The following SPATA31C1 variants were observed in gnomAD, a reference collection of about 807,000 sequenced individuals.
SPATA31C1 encodes spermatogenesis-associated protein 31C1.
exon 5 of SPATA31C1, chr9:87,921,444 T>C: frequency 6.2e-7 from 1 of 1,611,568 alleles, no homozygotes. Context: ...GACGGTGAAG[T>C]TCCAGCTAGA....
intron 2 of SPATA31C1, 161 bp from the exon 2 acceptor site, chr9:87,919,094 A>C: frequency 1.7e-6 from 2 of 1,180,064 alleles, no homozygotes; most frequent in Non-Finnish European, 2.4e-6. Context: ...TTCTAAGAAA[A>C]GCAGTTTATC....
chr9:87,920,877 C>T lies in SPATA31C1; in HGVS notation n.1267C>T, dbSNP rs373641554. ...CCGCCAAAGGGACACCACAATGTCC[C>T]CACTGCTTTTCCAGGCCCAGCCCCT... On this transcript the variant is annotated non_coding_transcript_exon_variant, in exon 5 of 5. Transcript: ENST00000420021. The T allele has an allele frequency of 7.4e-5, 119 of 1,613,422 alleles. No individual in the cohort carries two copies. The African/African-American group carries it at 1.5e-3, about 20-fold the overall frequency.
exon 5 of SPATA31C1, chr9:87,920,899 C>G: frequency 6.2e-7 from 1 of 1,613,294 alleles, no homozygotes; most frequent in South Asian, 1.1e-5. Context: ...CAGGCCCAGC[C>G]CCTGTCCCAT....
At chr9:87,922,060 T>G (rs1243753956) in exon 5 of SPATA31C1, 2 of 1,613,988 alleles carry the variant, frequency 1.2e-6, no homozygotes, top group Non-Finnish European at 1.7e-6. Context: ...GAGCCACCAA[T>G]GGCAAGTCTG....
intron 1 of SPATA31C1, among the ~76,000 whole-genome samples, chr9:87,917,002 G>GA (rs200289080): frequency 3.1e-5 from 3 of 95,828 alleles, no homozygotes; most frequent in African/African-American, 3.8e-5. Flanking sequence ...ATCTCAAAAA[G>GA]AAAGGAAAAC....
At chr9:87,922,563 C>G (rs374100276) in exon 5 of SPATA31C1, 1 of 1,610,140 alleles carries the variant, frequency 6.2e-7, no homozygotes, top group Non-Finnish European at 8.5e-7. Flanking sequence ...TGTTGTGCTC[C>G]TTCCAGATGG....
chr9:87,920,750 C>T, exon 5 of SPATA31C1: 4 of 1,613,996 alleles, frequency 2.5e-6, no homozygotes, highest in Non-Finnish European at 2.5e-6. Flanking sequence ...CCATCTCAGG[C>T]CTTGGCGGCT....
At chr9:87,921,606 A>G in exon 5 of SPATA31C1, 2 of 1,612,038 alleles carry the variant, frequency 1.2e-6, no homozygotes, top group East Asian at 2.2e-5. Flanking sequence ...TGACTCAGGA[A>G]GTGATTTATT....
At chr9:87,922,180 A>C (rs1828892925) in exon 5 of SPATA31C1, 25 of 1,613,228 alleles carry the variant, frequency 1.5e-5, no homozygotes, top group Non-Finnish European at 2.1e-5. Flanking sequence ...CCATCTTCAA[A>C]TGATCATGGG....
intron 1 of SPATA31C1, among the ~76,000 whole-genome samples, chr9:87,917,072 T>C (rs1398982158): frequency 2.3e-5 from 3 of 132,134 alleles, no homozygotes; most frequent in African/African-American, 8.0e-5. Context: ...ATAAATAGAA[T>C]TTTAAAAAAA....
exon 5 of SPATA31C1, chr9:87,923,236 A>G (rs1828928611): frequency 3.1e-6 from 5 of 1,603,530 alleles, no homozygotes; most frequent in Non-Finnish European, 3.4e-6. Context: ...TACTCAGACC[A>G]CAGCAGAATG....
exon 5 of SPATA31C1, chr9:87,920,528 C>A: frequency 6.2e-7 from 1 of 1,603,528 alleles, no homozygotes; most frequent in East Asian, 2.3e-5. Flanking sequence ...TCCTAGAACG[C>A]CCCTCACCCG....
At chr9:87,922,852 C>T (rs1828911060) in exon 5 of SPATA31C1, 5 of 1,606,318 alleles carry the variant, frequency 3.1e-6, no homozygotes, top group Non-Finnish European at 3.4e-6. Context: ...GGATTGAGGA[C>T]TCCTCAACTT....
exon 5 of SPATA31C1, chr9:87,920,283 T>A: frequency 6.2e-7 from 1 of 1,613,812 alleles, no homozygotes; most frequent in Non-Finnish European, 8.5e-7. Flanking sequence ...AAAAGGTGAC[T>A]TTGGTCAGCT....
At chr9:87,916,123 C>T (rs1300886000) in intron 1 of SPATA31C1, among the ~76,000 whole-genome samples, 1 of 143,758 alleles carries the variant, frequency 7.0e-6, no homozygotes, top group Non-Finnish European at 1.5e-5. Flanking sequence ...TCTGGCTAAA[C>T]TGACCTCACA....
chr9:87,921,861 C>T lies in SPATA31C1; in HGVS notation n.2251C>T. The T allele has an allele frequency of 1.2e-6, 2 of 1,612,058 alleles. 1 individual carries two copies. Among genetic ancestry groups the T allele is most frequent in the Middle Eastern group, 4.5e-4 (2 of 4,430 alleles). On this transcript the variant is annotated non_coding_transcript_exon_variant, in exon 5 of 5. Coordinates refer to ENST00000420021, the Ensembl canonical transcript of SPATA31C1. ...CCTTGAGCTGTGTACTCAGCAGGTG[C>T]TGGAAGCCCATATTGTGAGGTTTTG... is the stretch of plus-strand genomic sequence containing the variant.
At chr9:87,922,098 G>A (rs1214316014) in exon 5 of SPATA31C1, 3 of 1,613,958 alleles carry the variant, frequency 1.9e-6, no homozygotes, top group East Asian at 2.2e-5. Context: ...CAAACCATCT[G>A]TTCACATGCC....
chr9:87,920,817 A>T, exon 5 of SPATA31C1: 1 of 1,613,334 alleles, frequency 6.2e-7, no homozygotes, highest in Non-Finnish European at 8.5e-7. Context: ...AACCTGGTGC[A>T]TCTTCAACTC....
At chr9:87,916,200 C>G (rs1209560598) in intron 1 of SPATA31C1, among the ~76,000 whole-genome samples, 7 of 134,550 alleles carry the variant, frequency 5.2e-5, no homozygotes, top group African/African-American at 1.9e-4. Context: ...ATAAGAAAAC[C>G]AATTAGATAC....
Sources: allele counts gnomAD v4.1 joint callset (sites outside exome capture counted in the v4.1 genomes callset), GRCh38; gene constraint gnomAD v4.1.1; transcripts MANE v1.5; gene names NCBI Gene and HGNC (gene_info 2026-07-23, HGNC 2026-07-21).